ASIC2: variants seen among roughly 807,000 people sequenced by gnomAD.
The protein encoded by ASIC2 is acid-sensing ion channel 2.
A neutral mutation model predicts 57.3 loss-of-function variants in ASIC2; 25 were observed. That is an observed-to-expected ratio of 0.44 (90% CI 0.32 to 0.61). The LOEUF (loss-of-function observed/expected upper bound fraction) is 0.61. Ranked by LOEUF, ASIC2 falls within the 20% of genes least tolerant of loss-of-function variation. The pLI is 0.06. For synonymous variants in ASIC2, 319 were observed against 307.5 expected, an observed-to-expected ratio of 1.04 and a Z score of -0.39; for missense variants, 641 against 738.1, an observed-to-expected ratio of 0.87 and a Z score of 1.52.
chr17:34,150,241 C>A (rs1300340372), intron 1 of ASIC2, among the ~76,000 whole-genome samples: 1 of 151,980 alleles, frequency 6.6e-6, no homozygotes, highest in Non-Finnish European at 1.5e-5. Context: ...TGGGGAGTGG[C>A]AGGGTGGATA....
intron 1 of ASIC2, among the ~76,000 whole-genome samples, chr17:33,969,658 G>A (rs554283823): frequency 2.0e-5 from 3 of 152,186 alleles, no homozygotes; most frequent in Admixed American, 1.3e-4. Flanking sequence ...TCTCACCCGA[G>A]GGACGGGAGC....
At chr17:33,716,548 A>T (rs1195043804) in intron 1 of ASIC2, among the ~76,000 whole-genome samples, 18 of 152,216 alleles carry the variant, frequency 1.2e-4, no homozygotes. Context: ...AAATGGACTT[A>T]CTGTCATCAA....
chr17:33,545,465 C>G (rs371788757), intron 1 of ASIC2, among the ~76,000 whole-genome samples: 2 of 152,076 alleles, frequency 1.3e-5, no homozygotes, highest in East Asian at 1.9e-4. Context: ...ATATTTTACC[C>G]GAGACGCGGA....
intron 1 of ASIC2, among the ~76,000 whole-genome samples, chr17:33,919,716 T>C (rs973035730): frequency 6.6e-6 from 1 of 152,110 alleles, no homozygotes; most frequent in African/African-American, 2.4e-5. Context: ...AAATAAACTA[T>C]AAACCGAGTA....
At chr17:33,145,625 T>G (rs1248840753) in intron 1 of ASIC2, among the ~76,000 whole-genome samples, 1 of 152,260 alleles carries the variant, frequency 6.6e-6, no homozygotes, top group South Asian at 2.1e-4. Flanking sequence ...TCCGTATTTC[T>G]GACAATACGT....
intron 1 of ASIC2, among the ~76,000 whole-genome samples, chr17:33,962,862 T>C (rs1904967578): frequency 6.6e-6 from 1 of 152,200 alleles, no homozygotes; most frequent in African/African-American, 2.4e-5. Context: ...AATATATTTC[T>C]TGAGGCTGAC....
intron 1 of ASIC2, among the ~76,000 whole-genome samples, chr17:33,612,969 G>C (rs745434131): frequency 6.6e-6 from 1 of 152,154 alleles, no homozygotes; most frequent in African/African-American, 2.4e-5. Flanking sequence ...GAGTTAATGG[G>C]ACCATCTGAG....
intron 1 of ASIC2, among the ~76,000 whole-genome samples, chr17:33,660,814 G>C (rs1567681920): frequency 6.6e-6 from 1 of 152,164 alleles, no homozygotes; most frequent in African/African-American, 2.4e-5. Context: ...CTGAAACGTC[G>C]TTATGCGGCC....
chr17:33,020,684 G>C (rs1053718301), intron 7 of ASIC2, among the ~76,000 whole-genome samples: 1 of 152,112 alleles, frequency 6.6e-6, no homozygotes, highest in African/African-American at 2.4e-5. Flanking sequence ...GGGGAGAGTG[G>C]CCCTTCATTT....
chr17:33,626,776 C>T (rs1287147410), intron 1 of ASIC2, among the ~76,000 whole-genome samples: 1 of 152,210 alleles, frequency 6.6e-6, no homozygotes, highest in Non-Finnish European at 1.5e-5. Context: ...TCCTCAACTT[C>T]CTGGGCTTAA....
At chr17:33,044,293 TCC>T (rs2091942596) in intron 3 of ASIC2, among the ~76,000 whole-genome samples, 1 of 150,718 alleles carries the variant, frequency 6.6e-6, no homozygotes, top group South Asian at 2.1e-4. Flanking sequence ...CATCCATCCA[TCC>T]ATCCATCCAA....
At chr17:34,108,528 C>T (rs1164804517) in intron 1 of ASIC2, among the ~76,000 whole-genome samples, 1 of 152,096 alleles carries the variant, frequency 6.6e-6, no homozygotes, top group Non-Finnish European at 1.5e-5. Flanking sequence ...TTGAAGTTTA[C>T]TATGACTTGT....
At chr17:33,937,078 ACTGGCAACTGGGCCATCC>A (rs555639046) in intron 1 of ASIC2, among the ~76,000 whole-genome samples, 19 of 152,294 alleles carry the variant, frequency 1.2e-4, no homozygotes, top group Admixed American at 1.2e-3. Flanking sequence ...CAGCCTAGCA[ACTGGCAACTGGGCCATCC>A]CTGCTGGGAA....
chr17:34,037,856 G>T, intron 1 of ASIC2: 1 of 1,613,932 alleles, frequency 6.2e-7, no homozygotes, highest in Non-Finnish European at 8.5e-7. Flanking sequence ...TTTAAGAATC[G>T]TATTCTCTTG....
intron 1 of ASIC2, among the ~76,000 whole-genome samples, chr17:33,637,985 A>C (rs886942834): frequency 2.0e-5 from 3 of 152,110 alleles, no homozygotes; most frequent in African/African-American, 7.2e-5. Flanking sequence ...TCTTGTGTAC[A>C]GAGTCTGCCT....
rs1555568218 is a variant in ASIC2, at chr17:33,868,187, G to GTGTGTA, written c.555+287790_555+287791insTACACA. Among the ~76,000 whole-genome samples the GTGTGTA allele has an allele frequency of 8.8e-4, 63 of 71,714 alleles. 1 individual carries two copies. The highest frequency in any genetic ancestry group is 3.2e-3 in the Admixed American group (20 of 6,242). The allele number at this position is 71,714 out of a possible 152,430, so 47.0% of individuals were successfully genotyped here. The stretch of plus-strand genomic sequence containing the variant: ...TGGCAGGGTCAACAAATGTATGTGT[G>GTGTGTA]TGTGTGTATGTGTGTGTGTGTGTGT... On this transcript the variant is annotated intron_variant, in intron 1 of 9. Transcript: ENST00000359872.
intron 1 of ASIC2, among the ~76,000 whole-genome samples, chr17:33,579,793 C>G (rs972398603): frequency 6.6e-6 from 1 of 152,106 alleles, no homozygotes; most frequent in Non-Finnish European, 1.5e-5. Context: ...AACTACCACA[C>G]CGTGAAAAAC....
chr17:33,388,276 C>A (rs1430982696), intron 1 of ASIC2, among the ~76,000 whole-genome samples: 1 of 152,224 alleles, frequency 6.6e-6, no homozygotes, highest in Admixed American at 6.5e-5. Flanking sequence ...GGGGGTACAG[C>A]CCTGCTGATG....
chr17:33,463,914 G>A (rs936612500), intron 1 of ASIC2, among the ~76,000 whole-genome samples: 1 of 152,176 alleles, frequency 6.6e-6, no homozygotes, highest in Admixed American at 6.5e-5. Context: ...ACATAGGAGG[G>A]GCTTGGGAAG....
Sources: allele counts gnomAD v4.1 joint callset (sites outside exome capture counted in the v4.1 genomes callset), GRCh38; gene constraint gnomAD v4.1.1; transcripts MANE v1.5; gene names NCBI Gene and HGNC (gene_info 2026-07-23, HGNC 2026-07-21).